NCKAP5: variants seen among roughly 807,000 people sequenced by gnomAD.
NCKAP5 encodes the protein nck-associated protein 5.
A neutral mutation model predicts 167.0 loss-of-function variants in NCKAP5; 92 were observed. That is an observed-to-expected ratio of 0.55 (90% CI 0.47 to 0.66). NCKAP5 has a LOEUF of 0.66. NCKAP5 is among the 30% of genes least tolerant of loss of function. The pLI is 0.00. For synonymous variants in NCKAP5, 891 were observed against 877.4 expected, an observed-to-expected ratio of 1.02 and a Z score of -0.27; for missense variants, 2,378 against 2,315.0, an observed-to-expected ratio of 1.03 and a Z score of -0.56.
chr2:132,755,701 C>A (rs1041572428), intron 16 of NCKAP5, among the ~76,000 whole-genome samples: 1 of 151,316 alleles, frequency 6.6e-6, no homozygotes. Context: ...TGGTGGCGCG[C>A]GCCTGTAATC....
intron 11 of NCKAP5, among the ~76,000 whole-genome samples, chr2:132,832,248 T>C (rs1275439263): frequency 3.3e-5 from 5 of 152,204 alleles, no homozygotes; most frequent in African/African-American, 4.8e-5. Context: ...TATCATTCTA[T>C]AGTAAAGCTC....
intron 6 of NCKAP5, among the ~76,000 whole-genome samples, chr2:133,046,226 C>T (rs941714006): frequency 6.6e-6 from 1 of 152,158 alleles, no homozygotes; most frequent in Non-Finnish European, 1.5e-5. Flanking sequence ...CTTCATACAA[C>T]ATGCACAGAA....
In NCKAP5 at chr2:132,731,869, G is replaced by C; in HGVS notation, c.5311C>G (p.Arg1771Gly). 6.2e-7 allele frequency: 1 copy of C among 1,613,932 alleles called. No homozygotes were observed. The highest frequency in any genetic ancestry group is 8.5e-7 in the Non-Finnish European group (1 of 1,179,888). ...VSSMRAQTLE[R>G]EVPSSTDGQR... ...CCGTCTGTGGAGGAAGGCACTTCACGTTCAAGGGTTTGGGCTCTCATGGAA... is the reference window on the plus strand; with the variant it reads ...CCGTCTGTGGAGGAAGGCACTTCACCTTCAAGGGTTTGGGCTCTCATGGAA... Residue 1771 changes from arginine to glycine, a missense_variant, in exon 17 of 20, where the codon CGT (arginine) becomes GGT (glycine). Around this residue, in one of 3 missense-constraint regions of NCKAP5, gnomAD observed 1,325 missense variants for 1,274.5 expected, o/e 1.04. Transcript: ENST00000409261.
rs370817289 is a variant in NCKAP5 at position 133,191,634 on chromosome 2, T to G, written c.207+22082A>C. Among the ~76,000 whole-genome samples the G allele has an allele frequency of 2.8e-4, 42 of 152,266 alleles. No homozygotes were observed. The East Asian group carries it at 6.6e-3, about 24-fold the overall frequency. On this transcript the variant is annotated intron_variant, in intron 5 of 19. Coordinates refer to ENST00000409261, the MANE Select transcript of NCKAP5 (RefSeq NM_207363.3). ...TCCTTTGTAGGGACATGGATGAAGC[T>G]GGAAACCATCATTCTGAGCAAACTA...
At chr2:132,731,630 T>C (rs754723670) in intron 17 of NCKAP5, 107 bp downstream of exon 17, 76 of 1,208,814 alleles carry the variant, frequency 6.3e-5, no homozygotes, top group Non-Finnish European at 3.7e-5. Context: ...TTTTCACATA[T>C]CTACATTTTT....
chr2:132,842,672 AAGT>A (rs1293636805), intron 11 of NCKAP5, among the ~76,000 whole-genome samples: 7 of 151,718 alleles, frequency 4.6e-5, no homozygotes, highest in African/African-American at 1.7e-4. Flanking sequence ...TCAGCCTCCC[AAGT>A]AGCTTGGATT....
chr2:133,290,248 G>GA (rs144139035), intron 4 of NCKAP5, among the ~76,000 whole-genome samples: 103 of 149,058 alleles, frequency 6.9e-4, no homozygotes, highest in African/African-American at 1.7e-3. Context: ...TATCCAAATG[G>GA]AAAAAAAAAC....
At chr2:133,237,328 C>A (rs1402433623) in intron 4 of NCKAP5, among the ~76,000 whole-genome samples, 1 of 151,966 alleles carries the variant, frequency 6.6e-6, no homozygotes, top group African/African-American at 2.4e-5. Context: ...TAATTCAGAA[C>A]CAAGAACCTA....
intron 16 of NCKAP5, among the ~76,000 whole-genome samples, chr2:132,765,308 C>CTTTTTTTTTTTTT (rs1170247644): frequency 8.7e-6 from 1 of 114,310 alleles, no homozygotes; most frequent in African/African-American, 3.5e-5. Context: ...TTCTTTCTTT[C>CTTTTTTTTTTTTT]TTTTTTTTTT....
chr2:133,487,881 C>T (rs958213436), intron 3 of NCKAP5, among the ~76,000 whole-genome samples: 2 of 152,112 alleles, frequency 1.3e-5, no homozygotes, highest in African/African-American at 4.8e-5. Context: ...TAGGTTCTTG[C>T]CAAGGATCAC....
chr2:133,503,538 C>T (rs1348177240), intron 3 of NCKAP5, among the ~76,000 whole-genome samples: 1 of 152,170 alleles, frequency 6.6e-6, no homozygotes, highest in Non-Finnish European at 1.5e-5. Flanking sequence ...TTCCTTTCAA[C>T]AGAAGCCCTG....
the NCKAP5 span, among the ~76,000 whole-genome samples, chr2:133,580,656 C>A: frequency 6.6e-6 from 1 of 152,150 alleles, no homozygotes; most frequent in Non-Finnish European, 1.5e-5. Context: ...ATTCCCAAGA[C>A]AAATTAAGCA....
intron 3 of NCKAP5, among the ~76,000 whole-genome samples, chr2:133,516,923 G>A (rs1684049103): frequency 6.6e-6 from 1 of 152,198 alleles, no homozygotes; most frequent in Non-Finnish European, 1.5e-5. Flanking sequence ...ACTGGACTAA[G>A]CAGATTTTCA....
At chr2:133,381,720 T>C (rs1451852353) in intron 3 of NCKAP5, among the ~76,000 whole-genome samples, 2 of 152,200 alleles carry the variant, frequency 1.3e-5, no homozygotes, top group Non-Finnish European at 2.9e-5. Flanking sequence ...CCAGGATTTC[T>C]CCCATTGCAC....
At chr2:133,264,834 A>G (rs1011845660) in intron 4 of NCKAP5, 2 of 152,174 alleles carry the variant, frequency 1.3e-5, no homozygotes, top group Non-Finnish European at 2.9e-5. Flanking sequence ...TGGCTCAGAG[A>G]AGGAGGCTGC....
intron 3 of NCKAP5, among the ~76,000 whole-genome samples, chr2:133,306,464 G>A (rs1257358333): frequency 6.6e-6 from 1 of 152,174 alleles, no homozygotes. Flanking sequence ...TTTAGAAAGA[G>A]CCTCAGACAT....
intron 4 of NCKAP5, among the ~76,000 whole-genome samples, chr2:133,254,514 T>C (rs952028388): frequency 6.6e-6 from 1 of 152,068 alleles, no homozygotes; most frequent in Non-Finnish European, 1.5e-5. Flanking sequence ...TTGTGAGAGA[T>C]AGTACAGTTG....
chr2:133,168,281 T>C (rs1350958670), intron 5 of NCKAP5, among the ~76,000 whole-genome samples: 4 of 55,350 alleles, frequency 7.2e-5, no homozygotes, highest in Non-Finnish European at 1.2e-4. Context: ...ACTGATAACA[T>C]TTTTTTTTTT....
intron 19 of NCKAP5, among the ~76,000 whole-genome samples, chr2:132,723,376 T>C (rs1307952079): frequency 6.6e-6 from 1 of 150,694 alleles, no homozygotes; most frequent in Admixed American, 6.6e-5. Flanking sequence ...GTTAGCCTGG[T>C]TGGTCTCGAA....
Sources: gnomAD v4.1 joint callset for allele counts (sites outside exome capture counted in the v4.1 genomes callset) on GRCh38, gnomAD v4.1.1 for gene constraint, gnomAD v4.1.1 regional missense constraint, MANE v1.5 for transcripts, NCBI Gene and HGNC (gene_info 2026-07-23, HGNC 2026-07-21) for gene names.